PTPRD: variants seen among roughly 807,000 people sequenced by gnomAD.
PTPRD encodes the protein protein tyrosine phosphatase receptor type D.
In PTPRD, 34 loss-of-function variants were observed where a neutral mutation model predicts 214.5. That is an observed-to-expected ratio of 0.16 (90% CI 0.12 to 0.21). The LOEUF is 0.21. Among genes scored for constraint, PTPRD ranks in the 10% least tolerant of loss-of-function variants. PTPRD has a pLI of 1.00. For missense variants in PTPRD, 2,545 were observed against 2,398.7 expected, an observed-to-expected ratio of 1.06 and a Z score of -1.27; for synonymous variants, 1,128 against 845.7, an observed-to-expected ratio of 1.33 and a Z score of -5.79.
At chr9:9,675,036 A>T (rs765007869) in intron 7 of PTPRD, among the ~76,000 whole-genome samples, 31 of 151,936 alleles carry the variant, frequency 2.0e-4, no homozygotes, top group Non-Finnish European at 2.9e-4. Flanking sequence ...TTCTCATGTC[A>T]AGATCATATT....
At chr9:8,654,482 G>A (rs977890091) in intron 12 of PTPRD, among the ~76,000 whole-genome samples, 3 of 152,102 alleles carry the variant, frequency 2.0e-5, no homozygotes, top group Non-Finnish European at 4.4e-5. Flanking sequence ...CTGTACATAT[G>A]AGCATATTTG....
chr9:9,335,142 T>C (rs1274138997), intron 9 of PTPRD, among the ~76,000 whole-genome samples: 2 of 152,046 alleles, frequency 1.3e-5, no homozygotes, highest in Non-Finnish European at 2.9e-5. Flanking sequence ...TTTTGCCTGA[T>C]ATTCCGTGTT....
intron 11 of PTPRD, among the ~76,000 whole-genome samples, chr9:8,935,573 G>A (rs900734255): frequency 9.2e-5 from 14 of 152,020 alleles, no homozygotes; most frequent in African/African-American, 3.4e-4. Context: ...TAGATCCCGA[G>A]GAAGCCTAAC....
intron 2 of PTPRD, among the ~76,000 whole-genome samples, chr9:10,489,501 T>C (rs1267536183): frequency 6.6e-6 from 1 of 152,128 alleles, no homozygotes; most frequent in Non-Finnish European, 1.5e-5. Flanking sequence ...ACTGTCTCTG[T>C]GCCCAGTTCA....
At chr9:8,940,277 CTCCTTT>C (rs2099023545) in intron 11 of PTPRD, among the ~76,000 whole-genome samples, 1 of 18,162 alleles carries the variant, frequency 5.5e-5, no homozygotes. Context: ...CTCTCTCTCT[CTCCTTT>C]TTTTTTTTTT....
chr9:9,760,495 C>A (rs1183937675), intron 6 of PTPRD, among the ~76,000 whole-genome samples: 10 of 151,776 alleles, frequency 6.6e-5, no homozygotes, highest in Non-Finnish European at 1.5e-5. Flanking sequence ...TTATTTCTAT[C>A]CTTTATTGCT....
intron 43 of PTPRD, among the ~76,000 whole-genome samples, chr9:8,335,296 G>C (rs1436184205): frequency 6.6e-6 from 1 of 151,304 alleles, no homozygotes; most frequent in African/African-American, 2.4e-5. Flanking sequence ...TATCCACCAC[G>C]ATCAAGTCGG....
At chr9:9,778,994 C>CA (rs1490319835) in intron 5 of PTPRD, among the ~76,000 whole-genome samples, 1 of 134,606 alleles carries the variant, frequency 7.4e-6, no homozygotes, top group Non-Finnish European at 1.5e-5. Flanking sequence ...GATACTGGTA[C>CA]AAAAACAGAG....
intron 8 of PTPRD, among the ~76,000 whole-genome samples, chr9:9,546,003 T>G (rs894005046): frequency 6.6e-6 from 1 of 151,850 alleles, no homozygotes; most frequent in South Asian, 2.1e-4. Context: ...CTTGTCCATA[T>G]TTTGTTAGAC....
chr9:8,485,176 T>C, intron 29 of PTPRD, 51 bp downstream of exon 29: 1 of 1,482,052 alleles, frequency 6.7e-7, no homozygotes, highest in Non-Finnish European at 9.4e-7. Context: ...CCAGATAAAC[T>C]GTCCCCTCTA....
intron 7 of PTPRD, among the ~76,000 whole-genome samples, chr9:9,604,192 G>C (rs1466795708): frequency 6.6e-6 from 1 of 151,850 alleles, no homozygotes; most frequent in African/African-American, 2.4e-5. Flanking sequence ...AAATGCATCT[G>C]GGCAATTCAA....
intron 14 of PTPRD, among the ~76,000 whole-genome samples, chr9:8,532,485 C>T (rs1283351436): frequency 6.6e-6 from 1 of 151,968 alleles, no homozygotes; most frequent in Non-Finnish European, 1.5e-5. Context: ...AACTTAACCA[C>T]ACAAACTTTC....
chr9:8,726,588 A>AATAT (rs1162966341), intron 12 of PTPRD, among the ~76,000 whole-genome samples: 19 of 9,670 alleles, frequency 2.0e-3, no homozygotes, highest in South Asian at 5.3e-3. Context: ...AAAAAAAAAA[A>AATAT]ATATATATAT....
chr9:10,173,932 T>C (rs2099228826), intron 3 of PTPRD, among the ~76,000 whole-genome samples: 1 of 152,120 alleles, frequency 6.6e-6, no homozygotes, highest in Non-Finnish European at 1.5e-5. Context: ...TGGTCATACT[T>C]ATGTACTGAA....
At chr9:9,321,459 G>A (rs904809175) in intron 9 of PTPRD, among the ~76,000 whole-genome samples, 6 of 151,372 alleles carry the variant, frequency 4.0e-5, no homozygotes, top group Non-Finnish European at 7.4e-5. Context: ...GGAGGCTGAG[G>A]CAAGAGAATG....
chr9:9,939,015 T>C (rs1299782491), intron 4 of PTPRD, among the ~76,000 whole-genome samples: 2 of 45,098 alleles, frequency 4.4e-5, no homozygotes, highest in East Asian at 3.7e-3. Flanking sequence ...CTGAATTCCT[T>C]TTTTTTTTTT....
chr9:10,199,324 T>C (rs1240922658), intron 3 of PTPRD, among the ~76,000 whole-genome samples: 4 of 152,166 alleles, frequency 2.6e-5, no homozygotes, highest in Non-Finnish European at 5.9e-5. Context: ...TTTTGACTAT[T>C]CGTACTCCTA....
intron 10 of PTPRD, among the ~76,000 whole-genome samples, chr9:9,081,019 T>C (rs543676544): frequency 1.3e-4 from 20 of 152,234 alleles, no homozygotes; most frequent in Admixed American, 3.9e-4. Context: ...ATCTTAGTTA[T>C]TTCTTTTCTT....
chr9:10,028,941 G>A (rs2096987446), intron 4 of PTPRD, among the ~76,000 whole-genome samples: 1 of 152,142 alleles, frequency 6.6e-6, no homozygotes, highest in East Asian at 1.9e-4. Context: ...CACAGGCCCA[G>A]AAGCCTAGGA....
Sources: gnomAD v4.1 joint callset for allele counts (sites outside exome capture counted in the v4.1 genomes callset) on GRCh38, gnomAD v4.1.1 for gene constraint, MANE v1.5 for transcripts, NCBI Gene and HGNC (gene_info 2026-07-23, HGNC 2026-07-21) for gene names.